Variants in PARD6G observed in about 807,000 individuals in gnomAD.
PARD6G encodes the protein partitioning defective 6 homolog gamma.
PARD6G carries 7 observed loss-of-function variants against 10.7 expected under a neutral mutation model. That is an observed-to-expected ratio of 0.66 (90% CI 0.37 to 1.23). PARD6G has a LOEUF of 1.23. Among genes scored for constraint, PARD6G ranks in the 50% most tolerant of loss-of-function variants. The pLI, the probability that PARD6G is intolerant of heterozygous loss-of-function variation, is 0.02. For synonymous variants in PARD6G, 287 were observed against 269.4 expected, an observed-to-expected ratio of 1.07 and a Z score of -0.64; for missense variants, 548 against 571.8, an observed-to-expected ratio of 0.96 and a Z score of 0.42.
In PARD6G at chr18:80,181,047, T is replaced by C. The variant is rs899031427; in HGVS notation, c.296-20441A>G. On this transcript the variant is annotated intron_variant, in intron 2 of 2. Coordinates refer to ENST00000353265, the MANE Select transcript of PARD6G (RefSeq NM_032510.4). This position sits in a 1 kb window ranked among gnomAD's most constrained non-coding sequence, Gnocchi z 7.9. ...TGGAAGGCGGCTCCTACAGTCAGGC[T>C]GTTCAAAGGTCTGAACCTCACGCGC... Among the ~76,000 whole-genome samples the C allele has an allele frequency of 6.6e-6, 1 of 152,214 alleles. No individual in the cohort carries two copies. The highest frequency in any genetic ancestry group is 1.5e-5 in the Non-Finnish European group (1 of 68,020).
chr18:80,159,447 T>C lies in PARD6G; in HGVS notation c.*324A>G. On this transcript the variant is annotated 3_prime_UTR_variant, in exon 3 of 3. Coordinates refer to ENST00000353265, the MANE Select transcript of PARD6G (RefSeq NM_032510.4). ...TATTTTAAAAAAGTAATTTTAAAGC[T>C]TCACTTTAAAAACAAAGTATTTGTA... is the stretch of plus-strand genomic sequence containing the variant. The C allele has an allele frequency of 3.9e-6, 1 of 258,210 alleles. No homozygotes were observed. 16.0% of individuals were successfully genotyped at this position (258,210 alleles called of 1,614,324 possible). A position where few individuals can be genotyped will look rare whatever the true frequency, so the allele number is the denominator to read the frequency against.
At chr18:80,177,012 TGC>T (rs532265033) in intron 2 of PARD6G, among the ~76,000 whole-genome samples, 1,522 of 103,478 alleles carry the variant, frequency 0.015, 18 homozygotes, top group South Asian at 0.034. Context: ...GAGAAGCACG[TGC>T]GCGCGCGCGT....
chr18:80,195,200 G>A (rs188407465), intron 2 of PARD6G, among the ~76,000 whole-genome samples: 160 of 152,240 alleles, frequency 1.1e-3, no homozygotes, highest in Non-Finnish European at 1.8e-4. Flanking sequence ...CAATGACATG[G>A]CCATTTTTAC....
chr18:80,231,821 ATGGC>A lies in PARD6G; in HGVS notation c.72+15452_72+15455del, dbSNP rs975849390. On this transcript the variant is annotated intron_variant, in intron 1 of 2. Coordinates refer to ENST00000353265, the MANE Select transcript of PARD6G (RefSeq NM_032510.4). This position sits in a 1 kb window ranked among gnomAD's most constrained non-coding sequence, Gnocchi z 4.2. ...CGGCATCTCACAGGCATCCACAGGG[ATGGC>A]TGCCGAGCCCTTCTCAAAAACCCAA... is the stretch of plus-strand genomic sequence containing the variant. 3.9e-4 allele frequency among the ~76,000 whole-genome samples: 59 copies of A among 152,086 alleles called. No homozygotes were observed. Among genetic ancestry groups the A allele is most frequent in the African/African-American group, 1.4e-3 (56 of 41,416 alleles).
chr18:80,197,429 C>G (rs1179618276), intron 2 of PARD6G: 1 of 152,188 alleles, frequency 6.6e-6, no homozygotes, highest in African/African-American at 2.4e-5. Flanking sequence ...TAGTTTACAA[C>G]TGTGTTCTCC....
intron 2 of PARD6G, among the ~76,000 whole-genome samples, chr18:80,199,972 A>T (rs1029089092): frequency 3.9e-5 from 6 of 152,182 alleles, no homozygotes; most frequent in Non-Finnish European, 5.9e-5. Flanking sequence ...TTTAAAACAT[A>T]ATTGTGGGTT....
intron 1 of PARD6G, among the ~76,000 whole-genome samples, chr18:80,237,728 C>G (rs183078137): frequency 0.026 from 3,881 of 152,166 alleles, 158 homozygotes; most frequent in African/African-American, 0.089. Flanking sequence ...TTTATGCAGC[C>G]AAAAGACACA....
At chr18:80,171,148 T>A (rs931446553) in intron 2 of PARD6G, 1 of 152,232 alleles carries the variant, frequency 6.6e-6, no homozygotes, top group African/African-American at 2.4e-5. Flanking sequence ...CATAACTCAC[T>A]CTTCTATTAC....
chr18:80,222,372 A>G (rs931692490), intron 1 of PARD6G, among the ~76,000 whole-genome samples: 1 of 151,970 alleles, frequency 6.6e-6, no homozygotes, highest in Non-Finnish European at 1.5e-5. Context: ...TATAAGCATG[A>G]GCCATGGCAC....
intron 1 of PARD6G, among the ~76,000 whole-genome samples, chr18:80,235,311 G>A (rs528856105): frequency 0.026 from 3,886 of 152,160 alleles, 161 homozygotes; most frequent in African/African-American, 0.089. Flanking sequence ...TGAAACCAAC[G>A]AGAACAAAGA....
rs756306778 is a variant in PARD6G, at chr18:80,247,240, C to T, written c.72+37G>A. On this transcript the variant is annotated intron_variant, in intron 1 of 2. Transcript: ENST00000353265. This position sits in a 1 kb window ranked among gnomAD's most constrained non-coding sequence, Gnocchi z 4.2. ...GGCGCCCCATTCATTAGCCAGGAGACTGGGCGCAGGGCCGCCGGGGCGGGC... is the reference window on the plus strand; with the variant it reads ...GGCGCCCCATTCATTAGCCAGGAGATTGGGCGCAGGGCCGCCGGGGCGGGC... The T allele has an allele frequency of 2.0e-6, 3 of 1,534,874 alleles. No homozygotes were observed. The highest frequency in any genetic ancestry group is 2.7e-6 in the Non-Finnish European group (3 of 1,131,798).
chr18:80,220,284 T>G (rs1967215342), intron 1 of PARD6G, among the ~76,000 whole-genome samples: 1 of 152,108 alleles, frequency 6.6e-6, no homozygotes, highest in Admixed American at 6.6e-5. Context: ...CATGATTCAA[T>G]TACCTCCCAC....
chr18:80,182,365 G>A lies in PARD6G; in HGVS notation c.295+20345C>T, dbSNP rs2052852682. ...AGGGACAAACTCTCACATGGACAGT[G>A]AGGGTGTGACAGGCCCTGAAGAACA... On this transcript the variant is annotated intron_variant, in intron 2 of 2. Coordinates refer to ENST00000353265, the MANE Select transcript of PARD6G (RefSeq NM_032510.4). This position sits in a 1 kb window ranked among gnomAD's most constrained non-coding sequence, Gnocchi z 4.5. Among the ~76,000 whole-genome samples, 1 of 152,246 alleles carries A rather than the reference G, an allele frequency of 6.6e-6. No homozygotes were observed. The highest frequency in any genetic ancestry group is 2.4e-5 in the African/African-American group (1 of 41,462).
chr18:80,232,951 C>T (rs577169740), intron 1 of PARD6G, among the ~76,000 whole-genome samples: 3 of 152,284 alleles, frequency 2.0e-5, no homozygotes, highest in South Asian at 4.1e-4. Context: ...GGTAAACCCT[C>T]CTGAGGGACA....
In PARD6G at chr18:80,160,359, G is replaced by A. The variant is rs1337273403; in HGVS notation, c.543C>T (p.Arg181=). 31 of 1,610,606 alleles carry A rather than the reference G, an allele frequency of 1.9e-5. No individual in the cohort carries two copies. Among genetic ancestry groups the A allele is most frequent in the South Asian group, 3.3e-5 (3 of 90,936 alleles). ...GFYIRDGASV[R]VTPHGLEKVP... The stretch of plus-strand genomic sequence containing the variant: ...CCTTCTCCAGCCCGTGCGGGGTCAC[G>A]CGCACGCTGGCGCCATCGCGGATGT... Residue 181 remains arginine (R), a synonymous_variant, in exon 3 of 3, where the codon CGC becomes CGT. Coordinates refer to ENST00000353265, the MANE Select transcript of PARD6G (RefSeq NM_032510.4).
intron 2 of PARD6G, among the ~76,000 whole-genome samples, chr18:80,179,725 C>T (rs770504529): frequency 7.9e-5 from 12 of 152,260 alleles, no homozygotes; most frequent in Non-Finnish European, 1.5e-4. Context: ...AGTTAACAAG[C>T]ACAGTGGCGG....
At chr18:80,224,790 T>A (rs1340975427) in intron 1 of PARD6G, among the ~76,000 whole-genome samples, 1 of 151,720 alleles carries the variant, frequency 6.6e-6, no homozygotes, top group African/African-American at 2.4e-5. Flanking sequence ...GAGGTTGCAG[T>A]GAGCCGAGAT....
At chr18:80,219,109 AG>A in intron 1 of PARD6G, among the ~76,000 whole-genome samples, 1 of 152,318 alleles carries the variant, frequency 6.6e-6, no homozygotes, top group East Asian at 1.9e-4. Context: ...CATGCACTGG[AG>A]ACATTTTCCC....
At chr18:80,186,537 C>G (rs919390942) in intron 2 of PARD6G, among the ~76,000 whole-genome samples, 2 of 151,434 alleles carry the variant, frequency 1.3e-5, no homozygotes, top group African/African-American at 4.9e-5. Flanking sequence ...TCCTCACACA[C>G]GCGCACACCC....
Sources: gnomAD v4.1 joint callset for allele counts (sites outside exome capture counted in the v4.1 genomes callset) on GRCh38, gnomAD v4.1.1 for gene constraint, Gnocchi (gnomAD v3.1) non-coding constraint, MANE v1.5 for transcripts, NCBI Gene and HGNC (gene_info 2026-07-23, HGNC 2026-07-21) for gene names.